The following DAPK2 variants were observed in gnomAD, a reference collection of about 807,000 sequenced individuals.
DAPK2 encodes death-associated protein kinase 2.
A neutral mutation model predicts 44.1 loss-of-function variants in DAPK2; 35 were observed. The observed-to-expected ratio is 0.79, with a 90% CI of 0.61 to 1.05. DAPK2 has a LOEUF of 1.05. Among genes scored for constraint, DAPK2 ranks in the 50% least tolerant of loss-of-function variants. The pLI is 0.00. For synonymous variants in DAPK2, 174 were observed against 182.6 expected (o/e 0.95, Z 0.38); for missense variants, 453 against 483.2 (o/e 0.94, Z 0.59).
At chr15:63,968,689 T>C (rs1251061218) in intron 3 of DAPK2, among the ~76,000 whole-genome samples, 1 of 152,224 alleles carries the variant, frequency 6.6e-6, no homozygotes, top group Non-Finnish European at 1.5e-5. Flanking sequence ...CAGGTAGGTA[T>C]TATTTGCATT....
At chr15:64,000,638 A>G (rs990245235) in intron 1 of DAPK2, among the ~76,000 whole-genome samples, 4 of 152,132 alleles carry the variant, frequency 2.6e-5, no homozygotes, top group Admixed American at 6.6e-5. Flanking sequence ...TGAAATTTCA[A>G]TGTAATGGAA....
intron 6 of DAPK2, 87 bp downstream of exon 7, chr15:63,929,464 G>A (rs1165211273): frequency 7.8e-6 from 12 of 1,544,940 alleles, no homozygotes; most frequent in Middle Eastern, 1.7e-4. Flanking sequence ...CTTAGTAAAT[G>A]TCAGTCTATC....
In DAPK2 at chr15:63,990,405, G is replaced by C. The variant is rs1472562202; in HGVS notation, c.93-6651C>G. Among the ~76,000 whole-genome samples, 3 of 141,004 alleles carry C rather than the reference G, an allele frequency of 2.1e-5. No homozygotes were observed. The highest frequency in any genetic ancestry group is 4.6e-5 in the Non-Finnish European group (3 of 65,146). 92.5% of individuals were successfully genotyped at this position (141,004 alleles called of 152,430 possible). On this transcript the variant is annotated intron_variant, in intron 1 of 10. Transcript: ENST00000261891. This position sits in a 1 kb window ranked among gnomAD's most constrained non-coding sequence, Gnocchi z 4.3. ...ATCGCACCGCTGCACTCCAGCCTGG[G>C]TGACAGAGCAAGACTCCATCTAGAA...
chr15:63,963,396 T>C (rs1296288024), intron 3 of DAPK2, among the ~76,000 whole-genome samples: 1 of 152,220 alleles, frequency 6.6e-6, no homozygotes, highest in African/African-American at 2.4e-5. Context: ...AATGCAGAAA[T>C]CACCCATCTT....
At chr15:64,001,889 T>C (rs1300075058) in intron 1 of DAPK2, among the ~76,000 whole-genome samples, 3 of 152,232 alleles carry the variant, frequency 2.0e-5, no homozygotes, top group Non-Finnish European at 4.4e-5. Context: ...CCAATATTCA[T>C]GCCACATTTC....
intron 8 of DAPK2, chr15:63,922,943 A>T: frequency 1.0e-5 from 16 of 1,535,894 alleles, no homozygotes; most frequent in Non-Finnish European, 1.4e-5. Context: ...CAGATGGTCC[A>T]GTTTCCTGGC....
intron 6 of DAPK2, among the ~76,000 whole-genome samples, chr15:63,927,102 A>G (rs2079309418): frequency 6.6e-6 from 1 of 152,204 alleles, no homozygotes; most frequent in Non-Finnish European, 1.5e-5. Flanking sequence ...TGAAGAAAAT[A>G]AAATTCCCAC....
rs1001219980 is a variant in DAPK2 at position 63,966,048 on chromosome 15, C to A, written c.453+5375G>T. On this transcript the variant is annotated intron_variant, in intron 3 of 10. Transcript: ENST00000261891. This position sits in a 1 kb window ranked among gnomAD's most constrained non-coding sequence, Gnocchi z 5.5. ...ACAGCTGGGAATGTGCTGGGTCACA[C>A]CTGAAGCCAGCATGTCTCTGAGTGC... Among the ~76,000 whole-genome samples the A allele has an allele frequency of 6.6e-6, 1 of 152,234 alleles. No homozygotes were observed. The highest frequency in any genetic ancestry group is 2.4e-5 in the African/African-American group (1 of 41,466).
intron 6 of DAPK2, among the ~76,000 whole-genome samples, chr15:63,927,109 C>A (rs1320942575): frequency 6.6e-6 from 1 of 152,144 alleles, no homozygotes; most frequent in African/African-American, 2.4e-5. Flanking sequence ...AATAAAATTC[C>A]CACCTCATGT....
chr15:63,938,199 G>T (rs1427986755), intron 4 of DAPK2, among the ~76,000 whole-genome samples: 1 of 152,208 alleles, frequency 6.6e-6, no homozygotes, highest in Non-Finnish European at 1.5e-5. Context: ...CTGGCATAAT[G>T]GGAAGAGCAC....
At chr15:63,986,152 C>T (rs1269996608) in intron 1 of DAPK2, among the ~76,000 whole-genome samples, 2 of 152,234 alleles carry the variant, frequency 1.3e-5, no homozygotes, top group Non-Finnish European at 2.9e-5. Context: ...TCCAGAAGAG[C>T]AGAGAACACC....
At chr15:64,044,924 A>C (rs1374326843), upstream of DAPK2, among the ~76,000 whole-genome samples, 2 of 152,142 alleles carry the variant, frequency 1.3e-5, no homozygotes, top group African/African-American at 4.8e-5. Context: ...AGAGGCTGCC[A>C]ACAGAAGGGA....
At chr15:64,028,355 G>T (rs113214387) in intron 1 of DAPK2, among the ~76,000 whole-genome samples, 1 of 152,102 alleles carries the variant, frequency 6.6e-6, no homozygotes, top group Non-Finnish European at 1.5e-5. Context: ...CACTGCACCC[G>T]ACCCTATTTA....
Position 63,912,026 on chromosome 15 carries a change from G to T in DAPK2, c.949-35C>A, listed in dbSNP as rs2078806831. On this transcript the variant is annotated intron_variant, in intron 9 of 10. Coordinates refer to ENST00000261891, the Ensembl canonical transcript of DAPK2. The surrounding 1 kb of genome is among the most constrained non-coding windows in gnomAD (Gnocchi z 4.4). ...GCAGAGGAAAGGAATCCCCAGGTGA[G>T]AATGTGCATGGAGACCCTGGAGAGC... is the stretch of plus-strand genomic sequence containing the variant. The T allele has an allele frequency of 1.2e-6, 2 of 1,607,846 alleles. No individual in the cohort carries two copies. The highest frequency in any genetic ancestry group is 1.1e-5 in the South Asian group (1 of 89,832).
chr15:64,038,791 T>C (rs1411694137), intron 1 of DAPK2, among the ~76,000 whole-genome samples: 2 of 151,424 alleles, frequency 1.3e-5, no homozygotes, highest in African/African-American at 4.9e-5. Context: ...GAAAAGAAAA[T>C]AAATCTTGGG....
At chr15:64,015,196 C>T (rs2079492252) in intron 1 of DAPK2, among the ~76,000 whole-genome samples, 1 of 152,204 alleles carries the variant, frequency 6.6e-6, no homozygotes, top group African/African-American at 2.4e-5. Context: ...GGCTGACCCA[C>T]AGGGCCCTGC....
chr15:63,989,179 CTTT>C (rs2078747882), intron 1 of DAPK2, among the ~76,000 whole-genome samples: 1 of 86,792 alleles, frequency 1.2e-5, no homozygotes, highest in East Asian at 4.7e-4. Flanking sequence ...CAGGGTGAGA[CTTT>C]GTCTCCAAAA....
At chr15:63,933,335 C>T (rs2077030578) in intron 4 of DAPK2, among the ~76,000 whole-genome samples, 1 of 152,142 alleles carries the variant, frequency 6.6e-6, no homozygotes, top group Non-Finnish European at 1.5e-5. Flanking sequence ...CCTCCACCTC[C>T]TGGGTTCAAG....
intron 2 of DAPK2, 55 bp downstream of exon 3, chr15:63,983,478 G>T (rs2078583935): frequency 6.4e-7 from 1 of 1,552,872 alleles, no homozygotes; most frequent in Non-Finnish European, 8.9e-7. Context: ...AGTTTCCACT[G>T]CTCTGCCTGC....
Sources: gnomAD v4.1 joint callset for allele counts (sites outside exome capture counted in the v4.1 genomes callset) on GRCh38, gnomAD v4.1.1 for gene constraint, Gnocchi (gnomAD v3.1) non-coding constraint, MANE v1.5 for transcripts, NCBI Gene and HGNC (gene_info 2026-07-23, HGNC 2026-07-21) for gene names.